SLC25A17: variants seen among roughly 807,000 people sequenced by gnomAD.
The protein encoded by SLC25A17 is solute carrier family 25 member 17.
SLC25A17 carries 26 observed loss-of-function variants against 38.5 expected under a neutral mutation model. The observed-to-expected ratio is 0.68, with a 90% CI of 0.50 to 0.94. The LOEUF is 0.94. Among genes scored for constraint, SLC25A17 ranks in the 40% least tolerant of loss-of-function variants. The pLI is 0.00. For missense variants in SLC25A17, 333 were observed against 372.7 expected, an observed-to-expected ratio of 0.89 and a Z score of 0.88; for synonymous variants, 139 against 136.2, an observed-to-expected ratio of 1.02 and a Z score of -0.14.
intron 3 of SLC25A17, 122 bp downstream of exon 3, chr22:40,794,392 C>A: frequency 1.7e-6 from 1 of 576,530 alleles, no homozygotes; most frequent in Non-Finnish European, 3.2e-6. Flanking sequence ...ATAAATCAGG[C>A]AATTCCAAAT....
chr22:40,785,532 G>A (rs572695376), intron 4 of SLC25A17, among the ~76,000 whole-genome samples: 80 of 152,318 alleles, frequency 5.3e-4, no homozygotes, highest in Non-Finnish European at 8.5e-4. Flanking sequence ...AGGCAGACAC[G>A]TGCCAGGAGT....
At chr22:40,797,713 CAAT>C (rs910706986) in intron 2 of SLC25A17, among the ~76,000 whole-genome samples, 2 of 152,134 alleles carry the variant, frequency 1.3e-5, no homozygotes, top group African/African-American at 2.4e-5. Flanking sequence ...AAATAGGAAA[CAAT>C]GATGACCAGT....
At chr22:40,812,033 TTCTCTCTCTC>T (rs372346560) in intron 1 of SLC25A17, among the ~76,000 whole-genome samples, 2 of 150,282 alleles carry the variant, frequency 1.3e-5, no homozygotes, top group East Asian at 1.9e-4. Flanking sequence ...CTCTTTTTCT[TTCTCTCTCTC>T]TCTCTCTCTC....
At chr22:40,814,549 G>A (rs949662102) in intron 1 of SLC25A17, among the ~76,000 whole-genome samples, 3 of 42,588 alleles carry the variant, frequency 7.0e-5, no homozygotes, top group Non-Finnish European at 1.9e-4. Context: ...TTGCCTCCTT[G>A]AGAACTCCAT....
chr22:40,805,380 A>C (rs933516683), intron 1 of SLC25A17, among the ~76,000 whole-genome samples: 4 of 152,238 alleles, frequency 2.6e-5, no homozygotes, highest in Admixed American at 6.5e-5. Flanking sequence ...AGAGGAATAC[A>C]GAAGAGTAGT....
chr22:40,783,102 T>C (rs2057308550), intron 4 of SLC25A17, among the ~76,000 whole-genome samples: 1 of 152,198 alleles, frequency 6.6e-6, no homozygotes, highest in Non-Finnish European at 1.5e-5. Context: ...AAACTTGTTA[T>C]GAAGAGAAGT....
rs780250736 is a variant in SLC25A17, at chr22:40,770,840, T to A, written c.918A>T (p.Gln306His). The A allele has an allele frequency of 4.0e-5, 64 of 1,604,890 alleles. 1 individual carries two copies. In the South Asian group the frequency reaches 7.0e-4, roughly 18 times the overall value. ...FTVMGLKRAH[Q>H]H ...TTTTTCATGGGAAGGCGTCTCAGTGTTGGTGTGCACGCTTCAGCCCCATAA... is the reference window on the plus strand; with the variant it reads ...TTTTTCATGGGAAGGCGTCTCAGTGATGGTGTGCACGCTTCAGCCCCATAA... Residue 306 changes from glutamine (Q) to histidine (H), a missense_variant, in exon 9 of 9, where the codon CAA becomes CAT. By Grantham distance (24) the Gln-to-His change is conservative (BLOSUM62 0). Transcript: ENST00000435456.
intron 1 of SLC25A17, 121 bp downstream of exon 1, chr22:40,819,074 T>C: frequency 9.3e-7 from 1 of 1,070,706 alleles, no homozygotes; most frequent in Non-Finnish European, 1.4e-6. Flanking sequence ...CCCACAGTCA[T>C]GACAGTGGAC....
intron 1 of SLC25A17, among the ~76,000 whole-genome samples, chr22:40,810,131 T>C (rs2057566439): frequency 6.6e-6 from 1 of 152,148 alleles, no homozygotes; most frequent in Non-Finnish European, 1.5e-5. Flanking sequence ...TTTGTTATAA[T>C]AGTGTCTTAG....
intron 3 of SLC25A17, among the ~76,000 whole-genome samples, chr22:40,793,513 A>G (rs889541057): frequency 3.3e-5 from 5 of 152,176 alleles, no homozygotes; most frequent in African/African-American, 1.2e-4. Flanking sequence ...ATATCTTGAG[A>G]AGGACACAAT....
At chr22:40,777,768 C>T (rs1602589717) in intron 5 of SLC25A17, among the ~76,000 whole-genome samples, 1 of 132,456 alleles carries the variant, frequency 7.5e-6, no homozygotes, top group East Asian at 2.2e-4. Flanking sequence ...GGTGACAGAG[C>T]AAGACTCCAT....
At chr22:40,803,389 T>C (rs1469952647) in intron 1 of SLC25A17, among the ~76,000 whole-genome samples, 5 of 152,362 alleles carry the variant, frequency 3.3e-5, no homozygotes, top group African/African-American at 7.2e-5. Context: ...ATTCTACTTA[T>C]GAGTAAGATC....
chr22:40,779,785 C>G (rs1569400885), intron 4 of SLC25A17: 1 of 153,636 alleles, frequency 6.5e-6, no homozygotes. Context: ...TCTTGGCCCC[C>G]CAAGGTTGCC....
At position 40,775,745 on chromosome 22, in the gene SLC25A17, G is replaced by A. The variant is rs1343436887; in HGVS notation, c.693+1295C>T. ...CCCAAAGTGCTGGGATTACAGGCGT[G>A]AGCCACCGCGCCCAACCGATCTGAT... On this transcript the variant is annotated intron_variant, in intron 7 of 8. Coordinates refer to ENST00000435456, the MANE Select transcript of SLC25A17 (RefSeq NM_006358.4). 2.8e-4 allele frequency among the ~76,000 whole-genome samples: 43 copies of A among 152,028 alleles called. 1 individual carries two copies. The highest frequency in any genetic ancestry group is 2.4e-5 in the African/African-American group (1 of 41,464).
At chr22:40,801,248 C>A (rs946690441) in intron 1 of SLC25A17, among the ~76,000 whole-genome samples, 1 of 144,818 alleles carries the variant, frequency 6.9e-6, no homozygotes, top group Non-Finnish European at 1.5e-5. Context: ...AATAGGTCAG[C>A]CTCCATGACA....
At chr22:40,782,335 A>G (rs2057302563) in intron 4 of SLC25A17, among the ~76,000 whole-genome samples, 1 of 152,346 alleles carries the variant, frequency 6.6e-6, no homozygotes, top group South Asian at 2.1e-4. Flanking sequence ...AAAGGGCAGA[A>G]GACTGTTTTT....
intron 6 of SLC25A17, 37 bp from the exon 7 acceptor site, chr22:40,777,172 G>C (rs779683072): frequency 6.2e-7 from 1 of 1,613,654 alleles, no homozygotes; most frequent in Non-Finnish European, 8.5e-7. Context: ...TATCAATCAA[G>C]TCAACAAGAA....
rs997146772 is a variant in SLC25A17 at position 40,817,660 on chromosome 22, G to A, written c.54+1535C>T. ...ACTTCTACCATGTCTGCTACCACCC[G>A]GATCCAAGTCACCATCATCTCTCGC... On this transcript the variant is annotated intron_variant, in intron 1 of 8. Coordinates refer to ENST00000435456, the MANE Select transcript of SLC25A17 (RefSeq NM_006358.4). Among the ~76,000 whole-genome samples, 12 of 152,140 alleles carry A rather than the reference G, an allele frequency of 7.9e-5. No individual in the cohort carries two copies. The East Asian group carries it at 1.3e-3, about 17-fold the overall frequency.
chr22:40,814,793 T>TATATATATATA (rs1568991030), intron 1 of SLC25A17, among the ~76,000 whole-genome samples: 2 of 134,504 alleles, frequency 1.5e-5, no homozygotes, highest in African/African-American at 5.7e-5. Context: ...ATATATATTG[T>TATATATATATA]TGTTGTTGTT....
Sources: allele counts gnomAD v4.1 joint callset (sites outside exome capture counted in the v4.1 genomes callset), GRCh38; gene constraint gnomAD v4.1.1; transcripts MANE v1.5; gene names NCBI Gene and HGNC (gene_info 2026-07-23, HGNC 2026-07-21).